WDPCP: variants seen among roughly 807,000 people sequenced by gnomAD.
WDPCP encodes the protein WD repeat containing planar cell polarity effector, also known as WD repeat-containing and planar cell polarity effector protein fritz homolog.
In WDPCP, 71 loss-of-function variants were observed where a neutral mutation model predicts 93.1. That is an observed-to-expected ratio of 0.76 (90% CI 0.63 to 0.93). The LOEUF (loss-of-function observed/expected upper bound fraction) is 0.93. Ranked by LOEUF, WDPCP falls within the 40% of genes least tolerant of loss-of-function variation. The probability of loss-of-function intolerance (pLI) is 0.00; values close to 1 mark genes in which losing one functional copy is unlikely to be tolerated. For missense variants in WDPCP, 844 were observed against 887.4 expected, an observed-to-expected ratio of 0.95 and a Z score of 0.62; for synonymous variants, 315 against 315.0, an observed-to-expected ratio of 1.00 and a Z score of 0.00.
intron 2 of WDPCP, among the ~76,000 whole-genome samples, chr2:63,744,593 C>T (rs144575845): frequency 4.6e-5 from 7 of 152,110 alleles, no homozygotes; most frequent in East Asian, 3.9e-4. Context: ...TTGTTTTAAA[C>T]GTAAACAAAT....
chr2:63,762,154 AACCACT>A (rs889523160), intron 2 of WDPCP, among the ~76,000 whole-genome samples: 11 of 152,278 alleles, frequency 7.2e-5, no homozygotes, highest in Admixed American at 2.0e-4. Context: ...CCTCAAACCA[AACCACT>A]AAGTCCAAGT....
At chr2:63,539,143 CT>C (rs1391881299) in intron 1 of WDPCP, among the ~76,000 whole-genome samples, 1 of 152,082 alleles carries the variant, frequency 6.6e-6, no homozygotes, top group African/African-American at 2.4e-5. Context: ...AAAAGTGAAA[CT>C]TTCCCCAATA....
intron 17 of WDPCP, among the ~76,000 whole-genome samples, chr2:63,151,065 C>T (rs1274784968): frequency 6.6e-6 from 1 of 152,124 alleles, no homozygotes; most frequent in African/African-American, 2.4e-5. Context: ...TTACAAAAAC[C>T]ATCCTATACT....
Position 63,466,445 on chromosome 2 carries a change from CTG to C in WDPCP, c.384+18157_384+18158del, listed in dbSNP as rs539270258. Among the ~76,000 whole-genome samples the C allele has an allele frequency of 6.6e-5, 10 of 152,038 alleles. No individual in the cohort carries two copies. The East Asian group carries it at 1.2e-3, about 18-fold the overall frequency. The stretch of plus-strand genomic sequence containing the variant: ...CTCAAATATCACGAATATAAATTTG[CTG>C]TGTTTTCACACTTAACCTTAGATGC... On this transcript the variant is annotated intron_variant, in intron 6 of 17. Coordinates refer to ENST00000272321, the MANE Select transcript of WDPCP (RefSeq NM_015910.7).
intron 1 of WDPCP, among the ~76,000 whole-genome samples, chr2:63,508,156 A>T (rs1702001351): frequency 1.3e-5 from 2 of 152,200 alleles, no homozygotes; most frequent in Admixed American, 1.3e-4. Flanking sequence ...GGTTGAAATG[A>T]GGGAAAAAAC....
At chr2:63,154,581 T>G (rs1313154572) in intron 15 of WDPCP, among the ~76,000 whole-genome samples, 3 of 152,200 alleles carry the variant, frequency 2.0e-5, no homozygotes, top group Non-Finnish European at 4.4e-5. Flanking sequence ...TTTTGAAAAT[T>G]ATGAATAAAA....
At chr2:63,383,456 A>G (rs1057411046) in intron 10 of WDPCP, among the ~76,000 whole-genome samples, 1 of 152,190 alleles carries the variant, frequency 6.6e-6, no homozygotes, top group Non-Finnish European at 1.5e-5. Context: ...GGTTCATGCC[A>G]GTAATCTGAG....
At chr2:63,784,406 T>C (rs1419763810) in intron 2 of WDPCP, among the ~76,000 whole-genome samples, 1 of 152,200 alleles carries the variant, frequency 6.6e-6, no homozygotes, top group Non-Finnish European at 1.5e-5. Flanking sequence ...ATGCCTGCAC[T>C]TAATAGCAGA....
chr2:63,551,964 T>C (rs191287032), intron 1 of WDPCP, among the ~76,000 whole-genome samples: 3 of 146,902 alleles, frequency 2.0e-5, no homozygotes, highest in African/African-American at 7.6e-5. Context: ...ATTTTCTTTT[T>C]TTTTTTTTTT....
chr2:63,654,738 C>G (rs1406276448), intron 2 of WDPCP, among the ~76,000 whole-genome samples: 1 of 152,168 alleles, frequency 6.6e-6, no homozygotes, highest in Non-Finnish European at 1.5e-5. Context: ...CCCCTACATA[C>G]TTTAAATCAT....
chr2:63,152,780 C>G, intron 17 of WDPCP, 134 bp downstream of exon 17: 1 of 752,586 alleles, frequency 1.3e-6, no homozygotes, highest in South Asian at 1.8e-5. Context: ...TTAATATAGA[C>G]CAGTTAATCT....
intron 3 of WDPCP, among the ~76,000 whole-genome samples, chr2:63,606,335 A>C (rs1709527272): frequency 6.6e-6 from 1 of 152,210 alleles, no homozygotes; most frequent in Non-Finnish European, 1.5e-5. Flanking sequence ...GAACCATGAC[A>C]GTACCCCTCC....
At position 63,734,914 on chromosome 2, in the gene WDPCP, T is replaced by C. The variant is rs565329486; in HGVS notation, n.308+78708A>G. On this transcript the variant is annotated intron_variant and non_coding_transcript_variant, in intron 2 of 4. Coordinates refer to the WDPCP transcript ENST00000467687. Reference sequence around the variant, plus strand: ...ACAGACAGACAGACAGACAGATAGATAGATGATAGACAGATGAAGAAATTT... The same window carrying C: ...ACAGACAGACAGACAGACAGATAGACAGATGATAGACAGATGAAGAAATTT... 3.0e-4 allele frequency among the ~76,000 whole-genome samples: 44 copies of C among 146,764 alleles called. No individual in the cohort carries two copies. In the East Asian group the frequency reaches 3.9e-3, roughly 13 times the overall value.
In WDPCP at chr2:63,623,002, G is replaced by C. The variant is rs371105798; in HGVS notation, n.488+27657C>G. On this transcript the variant is annotated intron_variant and non_coding_transcript_variant, in intron 3 of 4. Coordinates refer to the WDPCP transcript ENST00000467687. Reference sequence around the variant, plus strand: ...CTGCTGCCGCCGCCATGAGTTGTCCGACCGCGCGCCACTTCCGGCGCAGCC... The same window carrying C: ...CTGCTGCCGCCGCCATGAGTTGTCCCACCGCGCGCCACTTCCGGCGCAGCC... Among the ~76,000 whole-genome samples the C allele has an allele frequency of 8.5e-4, 130 of 152,326 alleles. 1 individual carries two copies. The highest frequency in any genetic ancestry group is 2.9e-3 in the African/African-American group (122 of 41,580).
intron 12 of WDPCP, among the ~76,000 whole-genome samples, chr2:63,367,179 A>C (rs1690983394): frequency 6.6e-6 from 1 of 151,822 alleles, no homozygotes; most frequent in African/African-American, 2.4e-5. Context: ...CTGTGACCTA[A>C]GGCTACTCTA....
chr2:63,227,366 T>C (rs1472725666), intron 14 of WDPCP, among the ~76,000 whole-genome samples: 1 of 152,014 alleles, frequency 6.6e-6, no homozygotes, highest in African/African-American at 2.4e-5. Context: ...GTTACAGTGA[T>C]TGTATGATAC....
chr2:63,362,759 G>T (rs1014736908), intron 12 of WDPCP, among the ~76,000 whole-genome samples: 1 of 152,030 alleles, frequency 6.6e-6, no homozygotes, highest in African/African-American at 2.4e-5. Flanking sequence ...CAAACTCCTA[G>T]GGTCAAGTGA....
chr2:63,338,572 ATATATAT>A (rs1558490448), intron 12 of WDPCP, among the ~76,000 whole-genome samples: 329 of 4,798 alleles, frequency 0.069, 3 homozygotes, highest in Middle Eastern at 0.25. Flanking sequence ...AAAAAAAAAT[ATATATAT>A]ATATATATAT....
chr2:63,215,833 G>GA (rs1318100800), intron 14 of WDPCP, among the ~76,000 whole-genome samples: 1 of 152,140 alleles, frequency 6.6e-6, no homozygotes, highest in Non-Finnish European at 1.5e-5. Context: ...CTAATATCCA[G>GA]AATCTACAAA....
Sources: allele counts gnomAD v4.1 joint callset (sites outside exome capture counted in the v4.1 genomes callset), GRCh38; gene constraint gnomAD v4.1.1; transcripts MANE v1.5; gene names NCBI Gene and HGNC (gene_info 2026-07-23, HGNC 2026-07-21).